The following PPP2R2B variants were observed in gnomAD, a reference collection of about 807,000 sequenced individuals.
PPP2R2B encodes the protein serine/threonine-protein phosphatase 2A 55 kDa regulatory subunit B beta isoform.
PPP2R2B carries 5 observed loss-of-function variants against 46.0 expected under a neutral mutation model. That is an observed-to-expected ratio of 0.11 (90% confidence interval 0.06 to 0.23). The LOEUF (loss-of-function observed/expected upper bound fraction) is 0.23. Among genes scored for constraint, PPP2R2B ranks in the 10% least tolerant of loss-of-function variants. The pLI is 1.00. For synonymous variants in PPP2R2B, 215 were observed against 206.7 expected (o/e 1.04, Z -0.34); for missense variants, 367 against 575.0 (o/e 0.64, Z 3.70).
chr5:147,072,396 T>A (rs1423578792), intron 2 of PPP2R2B, among the ~76,000 whole-genome samples: 1 of 152,222 alleles, frequency 6.6e-6, no homozygotes, highest in African/African-American at 2.4e-5. Context: ...TTTTGGTTAG[T>A]TGACATTTAT....
At chr5:146,957,683 C>T (rs1374162951) in intron 1 of PPP2R2B, among the ~76,000 whole-genome samples, 1 of 152,114 alleles carries the variant, frequency 6.6e-6, no homozygotes, top group African/African-American at 2.4e-5. Context: ...CTTTAGGGCA[C>T]CAATCTCACC....
At chr5:146,758,000 A>C (rs1200248200) in intron 2 of PPP2R2B, among the ~76,000 whole-genome samples, 1 of 152,226 alleles carries the variant, frequency 6.6e-6, no homozygotes, top group African/African-American at 2.4e-5. Context: ...AAGGAAGGAC[A>C]TGAAACCTCT....
chr5:146,604,509 C>T (rs1172538683), intron 7 of PPP2R2B, among the ~76,000 whole-genome samples: 3 of 152,156 alleles, frequency 2.0e-5, no homozygotes, highest in East Asian at 3.9e-4. Flanking sequence ...GCTTTGCTCC[C>T]TTTGTAAGGA....
At chr5:146,952,173 C>T (rs1751645224) in intron 1 of PPP2R2B, among the ~76,000 whole-genome samples, 1 of 151,984 alleles carries the variant, frequency 6.6e-6, no homozygotes, top group East Asian at 1.9e-4. Context: ...AAAGGAATAA[C>T]TCTCCCTTTC....
In PPP2R2B at chr5:146,581,195, A is replaced by AGCAT. The variant is rs1390423007; in HGVS notation, c.*8748_*8751dup. ...TCATGGTTCCACAGGCTGTACAGGAAGCATGGTGCTGACATCTGCTCAGCT... is the reference window on the plus strand; with the variant it reads ...TCATGGTTCCACAGGCTGTACAGGAAGCATGCATGGTGCTGACATCTGCTCAGCT... On this transcript the variant is annotated 3_prime_UTR_variant, in exon 10 of 10. Transcript: ENST00000394411. 6.6e-6 allele frequency: 1 copy of AGCAT among 152,194 alleles called. No homozygotes were observed. The highest frequency in any genetic ancestry group is 1.5e-5 in the Non-Finnish European group (1 of 68,044). The allele number at this position is 152,194 out of a possible 1,614,324, so 9.4% of individuals were successfully genotyped here. A position where few individuals can be genotyped will look rare whatever the true frequency, so the allele number is the denominator to read the frequency against.
intron 2 of PPP2R2B, among the ~76,000 whole-genome samples, chr5:146,862,136 T>G (rs1761042916): frequency 1.3e-5 from 2 of 152,216 alleles, no homozygotes; most frequent in African/African-American, 4.8e-5. Context: ...ACATCTCCCC[T>G]GCATCTTTAA....
rs769758389 is a variant in PPP2R2B, at chr5:146,878,128, C to T, written c.-57G>A. ...AGCCGGCAGACAAGTATCCATGATC[C>T]CTCCCCGCAGCCAGTCTCACAGGAG... On this transcript the variant is annotated 5_prime_UTR_variant, in exon 2 of 10. Transcript: ENST00000394411. The surrounding 1 kb of genome is among the most constrained non-coding windows in gnomAD (Gnocchi z 4.5). 6.2e-7 allele frequency: 1 copy of T among 1,612,640 alleles called. No homozygotes were observed. Among genetic ancestry groups the T allele is most frequent in the Non-Finnish European group, 8.5e-7 (1 of 1,179,374 alleles).
At chr5:146,706,981 T>A (rs1779902783) in intron 2 of PPP2R2B, 1 of 996,168 alleles carries the variant, frequency 1.0e-6, no homozygotes, top group Non-Finnish European at 1.6e-6. Context: ...CAGGCAAGAC[T>A]CCAGCTCTAC....
upstream of PPP2R2B, among the ~76,000 whole-genome samples, chr5:147,057,192 T>C (rs183970562): frequency 1.1e-3 from 174 of 152,326 alleles, no homozygotes; most frequent in African/African-American, 4.1e-3. Context: ...AGTATGCCAC[T>C]TCTCTGGCCC....
At chr5:146,615,502 T>TAAAAAAAAAATTAAAAAAAAAAAAAAAA (rs1773070033) in intron 7 of PPP2R2B, among the ~76,000 whole-genome samples, 1 of 44,932 alleles carries the variant, frequency 2.2e-5, no homozygotes, top group African/African-American at 7.9e-5. Flanking sequence ...TAGAGTATAA[T>TAAAAAAAAAATTAAAAAAAAAAAAAAAA]AAAAAAAAAA....
intron 5 of PPP2R2B, chr5:146,656,629 G>A (rs992020959): frequency 6.6e-6 from 1 of 152,468 alleles, no homozygotes; most frequent in Admixed American, 6.5e-5. Context: ...AGGACTCCTA[G>A]GCTCCAGTGA....
Position 146,593,051 on chromosome 5 carries a change from G to A in PPP2R2B, c.972C>T (p.Tyr324=). The part of the protein sequence containing the change: ...RPIETYQVHD[Y]LRSKLCSLYE... ...AGAGGGAACACAGCTTGCTGCGGAGGTAGTCATGAACCTGGAGAGGAAACA... is the reference window on the plus strand; with the variant it reads ...AGAGGGAACACAGCTTGCTGCGGAGATAGTCATGAACCTGGAGAGGAAACA... Residue 324 remains tyrosine (Y), a synonymous_variant, in exon 9 of 10, where the codon TAC becomes TAT. Coordinates refer to ENST00000394411, the MANE Select transcript of PPP2R2B (RefSeq NM_181675.4). 6.2e-7 allele frequency: 1 copy of A among 1,613,098 alleles called. No homozygotes were observed. The highest frequency in any genetic ancestry group is 8.5e-7 in the Non-Finnish European group (1 of 1,179,040).
intron 6 of PPP2R2B, among the ~76,000 whole-genome samples, chr5:146,644,601 A>C (rs322497): frequency 1.3e-5 from 2 of 152,156 alleles, no homozygotes; most frequent in Non-Finnish European, 2.9e-5. Context: ...TGAAAAATAC[A>C]GTGATTGTAA....
intron 1 of PPP2R2B, among the ~76,000 whole-genome samples, chr5:147,030,475 T>C (rs2151891116): frequency 6.6e-6 from 1 of 152,216 alleles, no homozygotes; most frequent in Admixed American, 6.5e-5. Context: ...TTATTGATAA[T>C]ATAATTTTTA....
chr5:146,907,843 C>A (rs1198966055), intron 1 of PPP2R2B, among the ~76,000 whole-genome samples: 3 of 152,152 alleles, frequency 2.0e-5, no homozygotes, highest in Non-Finnish European at 4.4e-5. Context: ...TGGTGAGGTT[C>A]TTGGGGGCAT....
chr5:147,066,451 C>T (rs776219487), intron 2 of PPP2R2B, among the ~76,000 whole-genome samples: 28 of 152,260 alleles, frequency 1.8e-4, no homozygotes, highest in Middle Eastern at 6.8e-3. Context: ...AAATGCCATA[C>T]TCATATAGCA....
chr5:146,890,533 A>C (rs1417981385), intron 1 of PPP2R2B, among the ~76,000 whole-genome samples: 1 of 152,196 alleles, frequency 6.6e-6, no homozygotes, highest in African/African-American at 2.4e-5. Context: ...GGCATTATGC[A>C]AAAAAGGTTG....
At chr5:147,041,557 A>T (rs1170448106) in intron 1 of PPP2R2B, among the ~76,000 whole-genome samples, 3 of 148,828 alleles carry the variant, frequency 2.0e-5, no homozygotes, top group African/African-American at 7.4e-5. Context: ...CAGTGGTGCC[A>T]TTTTTTTTTT....
At position 146,600,224 on chromosome 5, in the gene PPP2R2B, C is replaced by T. The variant is rs146655608; in HGVS notation, c.960+67G>A. On this transcript the variant is annotated intron_variant, in intron 8 of 9. Coordinates refer to ENST00000394411, the MANE Select transcript of PPP2R2B (RefSeq NM_181675.4). ...TTGCTGCACTGTAAACCTTTGGAAG[C>T]AGGGGCTGACTTAAAAGCTCATGAA... 4,415 of 1,536,908 alleles carry T rather than the reference C, an allele frequency of 2.9e-3. 10 individuals are homozygous for T. The highest frequency in any genetic ancestry group is 3.5e-3 in the Non-Finnish European group (3,914 of 1,133,464).
Sources: allele counts gnomAD v4.1 joint callset (sites outside exome capture counted in the v4.1 genomes callset), GRCh38; gene constraint gnomAD v4.1.1; non-coding constraint Gnocchi (gnomAD v3.1); transcripts MANE v1.5; gene names NCBI Gene and HGNC (gene_info 2026-07-23, HGNC 2026-07-21).